The following FAF1 variants were observed in gnomAD, a reference collection of about 807,000 sequenced individuals.
The protein encoded by FAF1 is Fas associated factor 1, also known as FAS-associated factor 1.
FAF1 carries 25 observed loss-of-function variants against 92.5 expected under a neutral mutation model. The ratio of observed to expected loss-of-function variants is 0.27; its 90% CI spans 0.20 to 0.38. The LOEUF (loss-of-function observed/expected upper bound fraction) is 0.38, where lower values mean the gene tolerates loss of function less well. FAF1 is among the 10% of genes least tolerant of loss of function. The pLI, the probability that FAF1 is intolerant of heterozygous loss-of-function variation, is 1.00. For missense variants in FAF1, 636 were observed against 793.3 expected (o/e 0.80, Z 2.38); for synonymous variants, 234 against 273.2 (o/e 0.86, Z 1.42).
Position 50,548,372 on chromosome 1 carries a change from T to A in FAF1, c.1269-8644A>T, listed in dbSNP as rs758253825. 1.3e-4 allele frequency among the ~76,000 whole-genome samples: 20 copies of A among 152,202 alleles called. 1 individual carries two copies. Among genetic ancestry groups the A allele is most frequent in the Admixed American group, 7.9e-4 (12 of 15,274 alleles). ...AGAACTTGATGTTGTAAGGTGCAAC[T>A]CCTAGGACAGCTAGTAGAAGAACCA... On this transcript the variant is annotated intron_variant, in intron 13 of 18. Coordinates refer to ENST00000396153, the MANE Select transcript of FAF1 (RefSeq NM_007051.3).
chr1:50,542,269 T>C (rs1363020945), intron 13 of FAF1, among the ~76,000 whole-genome samples: 3 of 152,206 alleles, frequency 2.0e-5, no homozygotes, highest in Admixed American at 6.5e-5. Context: ...ATGGACAGTA[T>C]GAAATTGTAA....
At chr1:50,492,914 A>C (rs1213950321) in intron 15 of FAF1, among the ~76,000 whole-genome samples, 1 of 152,212 alleles carries the variant, frequency 6.6e-6, no homozygotes, top group East Asian at 1.9e-4. Flanking sequence ...CTTTCAAATA[A>C]AAATTAGAAA....
intron 1 of FAF1, among the ~76,000 whole-genome samples, chr1:50,887,268 G>A (rs1244464145): frequency 6.6e-6 from 1 of 152,118 alleles, no homozygotes; most frequent in Non-Finnish European, 1.5e-5. Flanking sequence ...TGTAGGTTCT[G>A]GATATTAGCC....
chr1:50,772,083 T>C (rs1660793818), intron 4 of FAF1, among the ~76,000 whole-genome samples: 1 of 152,174 alleles, frequency 6.6e-6, no homozygotes, highest in African/African-American at 2.4e-5. Context: ...TTGTAGATGT[T>C]GCTCAACTGC....
chr1:50,887,443 TC>T (rs1178663782), intron 1 of FAF1, among the ~76,000 whole-genome samples: 1 of 152,244 alleles, frequency 6.6e-6, no homozygotes, highest in African/African-American at 2.4e-5. Flanking sequence ...AGACATGAAG[TC>T]CTTGCCCATG....
At chr1:50,656,279 C>G (rs1655107713) in intron 7 of FAF1, among the ~76,000 whole-genome samples, 1 of 150,852 alleles carries the variant, frequency 6.6e-6, no homozygotes, top group Non-Finnish European at 1.5e-5. Context: ...TGGCGGTGAG[C>G]TGAGATCATG....
At chr1:50,690,315 T>A (rs1201461701) in intron 7 of FAF1, among the ~76,000 whole-genome samples, 3 of 152,120 alleles carry the variant, frequency 2.0e-5, no homozygotes, top group African/African-American at 7.2e-5. Context: ...TATAAAATTG[T>A]TGCATACTGG....
intron 1 of FAF1, among the ~76,000 whole-genome samples, chr1:50,928,493 G>T (rs1345502762): frequency 6.6e-6 from 1 of 152,106 alleles, no homozygotes; most frequent in Non-Finnish European, 1.5e-5. Flanking sequence ...TTTAAAAACT[G>T]AGGAAGGCGG....
rs569895713 is a variant in FAF1 at position 50,599,315 on chromosome 1, T to C, written c.745-3099A>G. Among the ~76,000 whole-genome samples, 12 of 152,212 alleles carry C rather than the reference T, an allele frequency of 7.9e-5. No individual in the cohort carries two copies. The South Asian group carries it at 2.3e-3, about 29-fold the overall frequency. ...TTTGTAGAGACGGGGTTTTAACACG[T>C]TGGCCAGGCTGGTCTTGAACTCCTG... On this transcript the variant is annotated intron_variant, in intron 8 of 18. Transcript: ENST00000396153.
At chr1:50,871,834 G>C (rs908988968) in intron 1 of FAF1, among the ~76,000 whole-genome samples, 1 of 152,106 alleles carries the variant, frequency 6.6e-6, no homozygotes, top group African/African-American at 2.4e-5. Flanking sequence ...AGAAAAACGA[G>C]GCGGGCGGAT....
intron 4 of FAF1, among the ~76,000 whole-genome samples, chr1:50,767,125 C>T (rs772035918): frequency 6.6e-6 from 1 of 151,984 alleles, no homozygotes; most frequent in African/African-American, 2.4e-5. Context: ...AAGAAAGAAC[C>T]AAAGTGATCT....
chr1:50,630,826 A>ATTTTTTTTTTTTTTTT (rs1471050080), intron 8 of FAF1, among the ~76,000 whole-genome samples: 1 of 125,336 alleles, frequency 8.0e-6, no homozygotes, highest in Non-Finnish European at 1.7e-5. Flanking sequence ...AGTGTATCAT[A>ATTTTTTTTTTTTTTTT]TCTTTTTTTT....
intron 15 of FAF1, among the ~76,000 whole-genome samples, chr1:50,513,355 A>G (rs1572798183): frequency 1.3e-5 from 2 of 152,270 alleles, no homozygotes; most frequent in Admixed American, 1.3e-4. Context: ...ATGGTGGTGC[A>G]TGCCTGCAAT....
chr1:50,513,952 T>C (rs968763275), intron 15 of FAF1, among the ~76,000 whole-genome samples: 4 of 152,220 alleles, frequency 2.6e-5, no homozygotes, highest in African/African-American at 7.2e-5. Flanking sequence ...CATCTCTACA[T>C]TTTCTTCCTT....
intron 6 of FAF1, among the ~76,000 whole-genome samples, chr1:50,718,201 T>G (rs1658268884): frequency 6.6e-6 from 1 of 152,028 alleles, no homozygotes; most frequent in Non-Finnish European, 1.5e-5. Context: ...CAGCTAATTT[T>G]TGTATTTTTA....
chr1:50,846,628 C>A, intron 2 of FAF1: 1 of 529,488 alleles, frequency 1.9e-6, no homozygotes, highest in South Asian at 1.5e-5. Flanking sequence ...TCTCCACCCA[C>A]AATCAGTGGC....
At chr1:50,573,860 G>C (rs576692594) in intron 12 of FAF1, among the ~76,000 whole-genome samples, 1 of 152,138 alleles carries the variant, frequency 6.6e-6, no homozygotes, top group Admixed American at 6.5e-5. Context: ...AGGTGCAGTG[G>C]TTCACGCCTG....
chr1:50,915,225 C>G (rs966415635), intron 1 of FAF1, among the ~76,000 whole-genome samples: 1 of 152,042 alleles, frequency 6.6e-6, no homozygotes, highest in Non-Finnish European at 1.5e-5. Flanking sequence ...ACAAAATCAG[C>G]TGGCCACGGT....
intron 7 of FAF1, among the ~76,000 whole-genome samples, chr1:50,660,149 C>T (rs1655309054): frequency 6.6e-6 from 1 of 152,208 alleles, no homozygotes; most frequent in South Asian, 2.1e-4. Context: ...TCTTTTGATT[C>T]ATTTAAATTT....
Sources: gnomAD v4.1 joint callset for allele counts (sites outside exome capture counted in the v4.1 genomes callset) on GRCh38, gnomAD v4.1.1 for gene constraint, MANE v1.5 for transcripts, NCBI Gene and HGNC (gene_info 2026-07-23, HGNC 2026-07-21) for gene names.